Variants in CLCA1 observed in about 807,000 individuals in gnomAD.
CLCA1 encodes calcium-activated chloride channel regulator 1.
A neutral mutation model predicts 85.6 loss-of-function variants in CLCA1; 59 were observed. The observed-to-expected ratio is 0.69, with a 90% CI of 0.56 to 0.86. CLCA1 has a LOEUF of 0.86. Ranked by LOEUF, CLCA1 falls within the 40% of genes least tolerant of loss-of-function variation. The pLI is 0.00. For missense variants in CLCA1, 1,022 were observed against 1,101.4 expected (o/e 0.93, Z 1.02); for synonymous variants, 396 against 398.3 (o/e 0.99, Z 0.07).
At chr1:86,480,761 G>A (rs1238193057) in intron 4 of CLCA1, among the ~76,000 whole-genome samples, 1 of 152,208 alleles carries the variant, frequency 6.6e-6, no homozygotes, top group Non-Finnish European at 1.5e-5. Flanking sequence ...TCAGCAGGAT[G>A]AAAGCTCTCA....
Position 86,469,102 on chromosome 1 carries a change from C to T in CLCA1, c.131C>T (p.Pro44Leu). The T allele has an allele frequency of 6.2e-7, 1 of 1,609,014 alleles. No individual in the cohort carries two copies. The highest frequency in any genetic ancestry group is 8.5e-7 in the Non-Finnish European group (1 of 1,177,466). Reference protein sequence around the residue: ...GIVVAIDPNVPEDETLIQQIK... With the variant: ...GIVVAIDPNVLEDETLIQQIK... ...GTCGTTGCAATCGACCCCAATGTGC[C>T]AGAAGATGAAACACTCATTCAACAA... Residue 44 changes from proline (P) to leucine (L), a missense_variant, in exon 1 of 14, where the codon CCA becomes CTA. By Grantham distance (98) the Pro-to-Leu change is moderately conservative. Coordinates refer to ENST00000394711, the MANE Select transcript of CLCA1 (RefSeq NM_001285.4).
At chr1:86,478,856 G>T (rs1000026722) in intron 4 of CLCA1, among the ~76,000 whole-genome samples, 9 of 151,966 alleles carry the variant, frequency 5.9e-5, no homozygotes, top group Admixed American at 1.3e-4. Context: ...TATTTTTAAG[G>T]CTTAGAAGCA....
At chr1:86,477,039 A>AGCC (rs1647692853) in intron 4 of CLCA1, among the ~76,000 whole-genome samples, 1 of 152,198 alleles carries the variant, frequency 6.6e-6, no homozygotes, top group Non-Finnish European at 1.5e-5. Flanking sequence ...CCCCCTGAGT[A>AGCC]GCCGGGACTA....
intron 13 of CLCA1, among the ~76,000 whole-genome samples, chr1:86,499,072 T>C (rs1241615682): frequency 1.3e-5 from 2 of 152,232 alleles, no homozygotes; most frequent in African/African-American, 4.8e-5. Flanking sequence ...AAACTGTCCT[T>C]TGACAAACTC....
chr1:86,486,189 T>TGTGGGG, intron 6 of CLCA1, among the ~76,000 whole-genome samples: 1 of 152,292 alleles, frequency 6.6e-6, no homozygotes, highest in African/African-American at 2.4e-5. Flanking sequence ...ATGTGGGGAT[T>TGTGGGG]ATGGGGATTA....
chr1:86,480,702 A>G (rs1261444778), intron 4 of CLCA1, among the ~76,000 whole-genome samples: 1 of 152,240 alleles, frequency 6.6e-6, no homozygotes, highest in East Asian at 1.9e-4. Context: ...GTAATGAGAG[A>G]TGTAAATTTG....
chr1:86,499,565 G>T (rs1273307638), intron 13 of CLCA1, 89 bp from the exon 14 acceptor site: 2 of 839,852 alleles, frequency 2.4e-6, no homozygotes, highest in Non-Finnish European at 3.6e-6. Flanking sequence ...GACTTTTAAA[G>T]CTTTTTAAAT....
chr1:86,483,460 T>C (rs1462168983), intron 5 of CLCA1, among the ~76,000 whole-genome samples: 1 of 152,160 alleles, frequency 6.6e-6, no homozygotes, highest in Non-Finnish European at 1.5e-5. Context: ...TGTAATTGCA[T>C]GATAATATTG....
At chr1:86,489,683 C>G (rs1648083250) in intron 8 of CLCA1, among the ~76,000 whole-genome samples, 1 of 152,206 alleles carries the variant, frequency 6.6e-6, no homozygotes. Context: ...TGCAGTTCCT[C>G]CATAAAACCT....
chr1:86,476,378 T>G, intron 3 of CLCA1, 70 bp from the exon 4 acceptor site: 1 of 746,452 alleles, frequency 1.3e-6, no homozygotes, highest in Non-Finnish European at 2.4e-6. Flanking sequence ...CAAACATTGC[T>G]TTCTTCCAGT....
chr1:86,482,481 A>T, intron 5 of CLCA1, 99 bp downstream of exon 5: 1 of 1,155,154 alleles, frequency 8.7e-7, no homozygotes, highest in Non-Finnish European at 1.2e-6. Flanking sequence ...TAGAGAAATC[A>T]TCAGTGAGCA....
intron 7 of CLCA1, among the ~76,000 whole-genome samples, chr1:86,487,419 A>C (rs959474032): frequency 2.0e-5 from 3 of 152,144 alleles, no homozygotes; most frequent in African/African-American, 7.2e-5. Flanking sequence ...CAGATGAGCG[A>C]GAGAGAGAGA....
At chr1:86,476,585 C>T (rs772814592) in intron 4 of CLCA1, 32 bp downstream of exon 4, 1 of 1,140,706 alleles carries the variant, frequency 8.8e-7, no homozygotes, top group Non-Finnish European at 1.3e-6. Context: ...TTGTTCCAAA[C>T]TATTTTAAAT....
At chr1:86,474,347 G>A (rs1343702300) in intron 3 of CLCA1, among the ~76,000 whole-genome samples, 2 of 152,180 alleles carry the variant, frequency 1.3e-5, no homozygotes, top group East Asian at 1.9e-4. Context: ...GAGGTCAGGA[G>A]ATCAAGACCA....
Position 86,499,703 on chromosome 1 carries a change from C to G in CLCA1, c.2403C>G (p.Asp801Glu). 1 of 1,602,764 alleles carries G rather than the reference C, an allele frequency of 6.2e-7. No homozygotes were observed. Among genetic ancestry groups the G allele is most frequent in the South Asian group, 1.1e-5 (1 of 90,846 alleles). ...RISTSILDLR[D>E]KFNESLQVNT... ...GTACAAGTATTCTTGATCTCAGAGACAAGTTCAATGAATCTCTTCAAGTGA... is the reference window on the plus strand; with the variant it reads ...GTACAAGTATTCTTGATCTCAGAGAGAAGTTCAATGAATCTCTTCAAGTGA... Residue 801 changes from aspartate (D) to glutamate (E), a missense_variant, in exon 14 of 14, where the codon GAC becomes GAG. Asp to Glu is a conservative substitution (Grantham distance 45). Coordinates refer to ENST00000394711, the MANE Select transcript of CLCA1 (RefSeq NM_001285.4).
intron 4 of CLCA1, 30 bp from the exon 5 acceptor site, chr1:86,482,175 C>G: frequency 6.4e-7 from 1 of 1,568,706 alleles, no homozygotes; most frequent in Non-Finnish European, 8.8e-7. Flanking sequence ...GACGACATCA[C>G]CTAAACATCT....
chr1:86,484,002 A>G (rs1647888531), intron 5 of CLCA1, among the ~76,000 whole-genome samples: 1 of 152,194 alleles, frequency 6.6e-6, no homozygotes, highest in African/African-American at 2.4e-5. Context: ...AGAGAATGCA[A>G]GGGAAATTGC....
At position 86,485,811 on chromosome 1, in the gene CLCA1, T is replaced by G. The variant is rs533850961; in HGVS notation, c.954+250T>G. On this transcript the variant is annotated intron_variant, in intron 6 of 13. Coordinates refer to ENST00000394711, the MANE Select transcript of CLCA1 (RefSeq NM_001285.4). ...ATGAATTATATGAGCTTAACATTTT[T>G]AATGTTTCACTGACAATATATAAGT... Among the ~76,000 whole-genome samples the G allele has an allele frequency of 2.0e-5, 3 of 152,356 alleles. No individual in the cohort carries two copies. In the East Asian group the frequency reaches 5.8e-4, roughly 29 times the overall value.
intron 4 of CLCA1, among the ~76,000 whole-genome samples, chr1:86,481,388 C>T (rs1558137534): frequency 6.6e-6 from 1 of 152,130 alleles, no homozygotes; most frequent in Non-Finnish European, 1.5e-5. Context: ...ATCCACCCGC[C>T]TCAGCCTCCC....
Sources: gnomAD v4.1 joint callset for allele counts (sites outside exome capture counted in the v4.1 genomes callset) on GRCh38, gnomAD v4.1.1 for gene constraint, MANE v1.5 for transcripts, NCBI Gene and HGNC (gene_info 2026-07-23, HGNC 2026-07-21) for gene names.